The following VSNL1 variants were observed in gnomAD, a reference collection of about 807,000 sequenced individuals.
The protein encoded by VSNL1 is visinin-like protein 1.
Under a neutral mutation model 20.4 loss-of-function variants are expected in VSNL1, and 6 were observed. That is an observed-to-expected ratio of 0.29 (90% CI 0.16 to 0.58). VSNL1 has a LOEUF of 0.58. Among genes scored for constraint, VSNL1 ranks in the 20% least tolerant of loss-of-function variants. The probability of loss-of-function intolerance (pLI) is 0.90; values close to 1 mark genes in which losing one functional copy is unlikely to be tolerated. For missense variants in VSNL1, 100 were observed against 234.5 expected, an observed-to-expected ratio of 0.43 and a Z score of 3.75; for synonymous variants, 93 against 86.4, an observed-to-expected ratio of 1.08 and a Z score of -0.42.
intron 2 of VSNL1, among the ~76,000 whole-genome samples, chr2:17,622,714 T>A (rs911323374): frequency 6.6e-6 from 1 of 151,966 alleles, no homozygotes; most frequent in Non-Finnish European, 1.5e-5. Flanking sequence ...CATGGACACA[T>A]AGAAGTGTGA....
intron 2 of VSNL1, among the ~76,000 whole-genome samples, chr2:17,598,122 A>T (rs766518116): frequency 6.6e-6 from 1 of 152,242 alleles, no homozygotes; most frequent in Non-Finnish European, 1.5e-5. Flanking sequence ...TTATGAAAAC[A>T]TTCTGTAATT....
At chr2:17,561,750 C>T (rs1178129144) in intron 1 of VSNL1, among the ~76,000 whole-genome samples, 3 of 152,022 alleles carry the variant, frequency 2.0e-5, no homozygotes, top group African/African-American at 7.2e-5. Context: ...GGAGGTAGAT[C>T]ATCGGGGAGC....
At chr2:17,611,999 G>C (rs1665100879) in intron 2 of VSNL1, among the ~76,000 whole-genome samples, 2 of 152,288 alleles carry the variant, frequency 1.3e-5, no homozygotes, top group South Asian at 4.1e-4. Context: ...GGTGGGCAAT[G>C]CAAGGCAAGA....
chr2:17,653,358 A>G (rs913096356), intron 3 of VSNL1, among the ~76,000 whole-genome samples: 7 of 152,190 alleles, frequency 4.6e-5, no homozygotes, highest in African/African-American at 1.7e-4. Flanking sequence ...TGCTGCCTTC[A>G]TACCCACTGC....
intron 1 of VSNL1, among the ~76,000 whole-genome samples, chr2:17,577,486 C>T (rs1359800051): frequency 6.6e-6 from 1 of 152,140 alleles, no homozygotes; most frequent in Non-Finnish European, 1.5e-5. Context: ...ATAGCTGGAT[C>T]TATTTCTAGA....
chr2:17,585,103 G>A (rs1255203324), intron 1 of VSNL1, among the ~76,000 whole-genome samples: 3 of 152,158 alleles, frequency 2.0e-5, no homozygotes, highest in Non-Finnish European at 4.4e-5. Context: ...GATTCAGTCT[G>A]TGCCCCCTCC....
chr2:17,656,530 T>C lies in VSNL1; in HGVS notation c.*1136T>C, dbSNP rs886710299. 6.6e-6 allele frequency: 1 copy of C among 152,174 alleles called. No homozygotes were observed. The highest frequency in any genetic ancestry group is 2.4e-5 in the African/African-American group (1 of 41,414). The allele number at this position is 152,174 out of a possible 1,614,324, so 9.4% of individuals were successfully genotyped here. A position where few individuals can be genotyped will look rare whatever the true frequency, so the allele number is the denominator to read the frequency against. Reference sequence around the variant, plus strand: ...GCAGGTGTCCCCCAACATAAGTCAGTAGGAAAGAAGACATCTGTCTTCCCA... The same window carrying C: ...GCAGGTGTCCCCCAACATAAGTCAGCAGGAAAGAAGACATCTGTCTTCCCA... On this transcript the variant is annotated 3_prime_UTR_variant, in exon 4 of 4. Coordinates refer to ENST00000295156, the MANE Select transcript of VSNL1 (RefSeq NM_003385.5).
At chr2:17,598,140 T>A (rs2103382172) in intron 2 of VSNL1, among the ~76,000 whole-genome samples, 1 of 152,356 alleles carries the variant, frequency 6.6e-6, no homozygotes, top group East Asian at 1.9e-4. Flanking sequence ...ATTCTCTGTG[T>A]GGTTTTAGAA....
At chr2:17,613,603 G>C (rs1397122607) in intron 2 of VSNL1, among the ~76,000 whole-genome samples, 3 of 152,160 alleles carry the variant, frequency 2.0e-5, no homozygotes, top group South Asian at 4.1e-4. Flanking sequence ...GGGACAGTCA[G>C]TCCAGTGTCT....
chr2:17,632,875 C>T (rs140312777), intron 2 of VSNL1, among the ~76,000 whole-genome samples: 2 of 152,152 alleles, frequency 1.3e-5, no homozygotes, highest in African/African-American at 4.8e-5. Context: ...AGAAAAGCAC[C>T]GGGTGCAGTG....
At chr2:17,622,600 G>GAAAA (rs200558499) in intron 2 of VSNL1, among the ~76,000 whole-genome samples, 1 of 115,596 alleles carries the variant, frequency 8.7e-6, no homozygotes, top group Admixed American at 8.4e-5. Flanking sequence ...AAGAAAGAAA[G>GAAAA]AAAAGAAAGA....
intron 1 of VSNL1, among the ~76,000 whole-genome samples, chr2:17,571,671 C>T (rs1178214249): frequency 6.6e-6 from 1 of 152,202 alleles, no homozygotes; most frequent in Non-Finnish European, 1.5e-5. Context: ...TTCCTGCCCT[C>T]TTGGAGCTTA....
At chr2:17,569,355 A>G (rs542508400) in intron 1 of VSNL1, among the ~76,000 whole-genome samples, 4 of 151,508 alleles carry the variant, frequency 2.6e-5, no homozygotes, top group Non-Finnish European at 4.4e-5. Flanking sequence ...AATAAATTAA[A>G]AATTAAAAAA....
intron 2 of VSNL1, among the ~76,000 whole-genome samples, chr2:17,624,576 A>C (rs1558304349): frequency 6.6e-6 from 1 of 152,216 alleles, no homozygotes; most frequent in Non-Finnish European, 1.5e-5. Context: ...AGGGAGGCAG[A>C]AGGGAAGGTT....
chr2:17,632,353 T>C (rs1398487053), intron 2 of VSNL1, among the ~76,000 whole-genome samples: 1 of 152,036 alleles, frequency 6.6e-6, no homozygotes, highest in Non-Finnish European at 1.5e-5. Flanking sequence ...CAGGCTGGAG[T>C]GCAGTGGCGC....
rs1443813187 is a variant in VSNL1 at position 17,617,099 on chromosome 2, C to T, written c.162+24863C>T. Among the ~76,000 whole-genome samples the T allele has an allele frequency of 2.0e-5, 3 of 152,314 alleles. No homozygotes were observed. The East Asian group carries it at 5.8e-4, about 29-fold the overall frequency. On this transcript the variant is annotated intron_variant, in intron 2 of 3. Transcript: ENST00000295156. ...TATGATCTCTCCATGAACTTAATCT[C>T]ATAGCTGTGAGAGAGGCTCTTACAG...
At chr2:17,641,584 T>C (rs1665883542) in intron 2 of VSNL1, among the ~76,000 whole-genome samples, 1 of 152,206 alleles carries the variant, frequency 6.6e-6, no homozygotes, top group African/African-American at 2.4e-5. Flanking sequence ...CGATTTATAG[T>C]GCAAATGGTG....
intron 1 of VSNL1, among the ~76,000 whole-genome samples, chr2:17,559,181 C>G (rs932906047): frequency 1.3e-5 from 2 of 152,106 alleles, no homozygotes; most frequent in Non-Finnish European, 2.9e-5. Flanking sequence ...AAGGACACTT[C>G]CCTAAGTCAC....
intron 2 of VSNL1, among the ~76,000 whole-genome samples, chr2:17,640,165 G>A (rs769645757): frequency 3.3e-5 from 5 of 151,012 alleles, no homozygotes; most frequent in African/African-American, 4.9e-5. Context: ...GAGGAGAATC[G>A]CTTGAACCTG....
Sources: gnomAD v4.1 joint callset for allele counts (sites outside exome capture counted in the v4.1 genomes callset) on GRCh38, gnomAD v4.1.1 for gene constraint, MANE v1.5 for transcripts, NCBI Gene and HGNC (gene_info 2026-07-23, HGNC 2026-07-21) for gene names.